RPTOR: variants seen among roughly 807,000 people sequenced by gnomAD.
The protein encoded by RPTOR is regulatory associated protein of MTOR complex 1.
In RPTOR, 21 loss-of-function variants were observed where a neutral mutation model predicts 169.9. The ratio of observed to expected loss-of-function variants is 0.12; its 90% CI spans 0.09 to 0.18. The LOEUF (loss-of-function observed/expected upper bound fraction) is 0.18, where lower values mean the gene tolerates loss of function less well. Ranked by LOEUF, RPTOR falls within the 10% of genes least tolerant of loss-of-function variation. The pLI, the probability that RPTOR is intolerant of heterozygous loss-of-function variation, is 1.00. For synonymous variants in RPTOR, 732 were observed against 753.2 expected, an observed-to-expected ratio of 0.97 and a Z score of 0.46; for missense variants, 1,133 against 1,855.9, an observed-to-expected ratio of 0.61 and a Z score of 7.16.
intron 1 of RPTOR, among the ~76,000 whole-genome samples, chr17:80,577,658 A>G (rs1390442863): frequency 2.6e-5 from 4 of 152,186 alleles, no homozygotes; most frequent in African/African-American, 9.7e-5. Flanking sequence ...TCATCAAGCA[A>G]TAGATAAAGA....
intron 9 of RPTOR, among the ~76,000 whole-genome samples, chr17:80,824,858 C>CA (rs2067421153): frequency 2.0e-5 from 3 of 152,254 alleles, no homozygotes; most frequent in Non-Finnish European, 4.4e-5. Flanking sequence ...AGTCCGTGGT[C>CA]AAAGACCAGA....
At chr17:80,923,437 C>T (rs1321602410) in intron 22 of RPTOR, 53 bp from the exon 23 acceptor site, 25 of 1,603,880 alleles carry the variant, frequency 1.6e-5, no homozygotes, top group East Asian at 2.2e-5. Context: ...TGTTCCCTCT[C>T]GAAGCCCCAG....
chr17:80,839,148 C>T (rs1161847662), intron 10 of RPTOR, among the ~76,000 whole-genome samples: 3 of 152,190 alleles, frequency 2.0e-5, no homozygotes, highest in Admixed American at 6.5e-5. Flanking sequence ...TGCGTGCGTG[C>T]GTGTGTACGC....
chr17:80,632,427 A>G (rs2065449623), intron 2 of RPTOR, among the ~76,000 whole-genome samples: 1 of 152,198 alleles, frequency 6.6e-6, no homozygotes, highest in African/African-American at 2.4e-5. Flanking sequence ...ATCAGAGCTC[A>G]CCGCCCTCTC....
intron 6 of RPTOR, among the ~76,000 whole-genome samples, chr17:80,783,094 TG>T (rs1438909341): frequency 1.3e-5 from 2 of 152,204 alleles, no homozygotes; most frequent in African/African-American, 2.4e-5. Flanking sequence ...TTTCTGCTTT[TG>T]CAAATTTGTA....
At chr17:80,809,865 C>G (rs141414284) in intron 7 of RPTOR, among the ~76,000 whole-genome samples, 1 of 151,970 alleles carries the variant, frequency 6.6e-6, no homozygotes, top group Non-Finnish European at 1.5e-5. Flanking sequence ...GGTGAAAGCC[C>G]GTCTCTAATA....
chr17:80,698,604 G>A (rs1026450411), intron 3 of RPTOR, among the ~76,000 whole-genome samples: 2 of 152,190 alleles, frequency 1.3e-5, no homozygotes, highest in East Asian at 1.9e-4. Flanking sequence ...CCTCGTCACC[G>A]TTTAACATCC....
intron 6 of RPTOR, among the ~76,000 whole-genome samples, chr17:80,760,181 G>A (rs976627291): frequency 2.0e-5 from 3 of 152,062 alleles, no homozygotes; most frequent in Non-Finnish European, 4.4e-5. Context: ...AGGGGCAGAC[G>A]CACTTGGGTT....
intron 2 of RPTOR, among the ~76,000 whole-genome samples, chr17:80,630,416 G>A (rs913639362): frequency 3.3e-5 from 5 of 152,178 alleles, no homozygotes; most frequent in Non-Finnish European, 7.3e-5. Flanking sequence ...GTCAGTCAAG[G>A]TTCTCCAGAG....
chr17:80,797,882 C>T (rs540135876), intron 7 of RPTOR, among the ~76,000 whole-genome samples: 6 of 152,308 alleles, frequency 3.9e-5, no homozygotes, highest in South Asian at 4.1e-4. Flanking sequence ...ACTCCCGTAA[C>T]GCTAGCCCAC....
chr17:80,602,748 G>C (rs2065199514), intron 1 of RPTOR: 2 of 759,830 alleles, frequency 2.6e-6, no homozygotes, highest in Admixed American at 3.5e-5. Flanking sequence ...GCACACATCT[G>C]GAGTTGCCAT....
rs373527459 is a variant in RPTOR at position 80,945,755 on chromosome 17, C to A, written c.3114C>A (p.Ile1038=). ...VVKFHPFTPC[I]AVADKDSICF... ...AATTCCACCCCTTCACGCCGTGCAT[C>A]GCCGTAGCCGACAAGGACAGCATCT... The change falls in exon 26 of 34, where the codon ATC becomes ATA. Residue 1038 remains isoleucine (I), a synonymous_variant. Coordinates refer to ENST00000306801, the MANE Select transcript of RPTOR (RefSeq NM_020761.3). 6.2e-7 allele frequency: 1 copy of A among 1,611,550 alleles called. No individual in the cohort carries two copies. Among genetic ancestry groups the A allele is most frequent in the South Asian group, 1.1e-5 (1 of 90,738 alleles).
At chr17:80,873,711 A>G (rs1343441944) in intron 13 of RPTOR, among the ~76,000 whole-genome samples, 1 of 152,234 alleles carries the variant, frequency 6.6e-6, no homozygotes, top group Non-Finnish European at 1.5e-5. Context: ...CTGAGGAGAA[A>G]GGGGAAGATG....
At chr17:80,889,234 G>C (rs2068286015) in intron 17 of RPTOR, among the ~76,000 whole-genome samples, 2 of 152,254 alleles carry the variant, frequency 1.3e-5, no homozygotes, top group Non-Finnish European at 2.9e-5. Flanking sequence ...AGCAACAGAA[G>C]AGCAGAGTTG....
At chr17:80,897,298 T>C (rs1170970229) in intron 20 of RPTOR, among the ~76,000 whole-genome samples, 1 of 151,754 alleles carries the variant, frequency 6.6e-6, no homozygotes, top group East Asian at 1.9e-4. Flanking sequence ...CTCTTGAGAG[T>C]AAACGAAACC....
chr17:80,885,678 A>T (rs930206074), intron 17 of RPTOR, among the ~76,000 whole-genome samples: 11 of 152,110 alleles, frequency 7.2e-5, no homozygotes, highest in African/African-American at 2.2e-4. Flanking sequence ...AGTAACTGGG[A>T]CTACAGGTGC....
At position 80,721,150 on chromosome 17, in the gene RPTOR, G is replaced by A. The variant is rs1000363709; in HGVS notation, c.508-9410G>A. Among the ~76,000 whole-genome samples the A allele has an allele frequency of 6.6e-6, 1 of 150,858 alleles. No individual in the cohort carries two copies. The highest frequency in any genetic ancestry group is 2.1e-4 in the South Asian group (1 of 4,824). On this transcript the variant is annotated intron_variant, in intron 4 of 33. Coordinates refer to ENST00000306801, the MANE Select transcript of RPTOR (RefSeq NM_020761.3). This position sits in a 1 kb window ranked among gnomAD's most constrained non-coding sequence, Gnocchi z 4.7. ...TAGACAAGGGGAGGCCTGGGAGTGC[G>A]AGGGGGCTCTGGTGACAGGAAGTAG...
chr17:80,634,298 T>C (rs200999659), intron 2 of RPTOR, among the ~76,000 whole-genome samples: 3,782 of 107,426 alleles, frequency 0.035, 571 homozygotes, highest in African/African-American at 0.13. Flanking sequence ...GCGTACTGTG[T>C]GTGTGCGTAC....
Position 80,651,509 on chromosome 17 carries a change from A to G in RPTOR, c.348+7699A>G, listed in dbSNP as rs1440821083. Reference sequence around the variant, plus strand: ...GCTCCCTCCCAAATGTCCGCGATTTACTTGTTGGTATGACACATAATGGAG... The same window carrying G: ...GCTCCCTCCCAAATGTCCGCGATTTGCTTGTTGGTATGACACATAATGGAG... On this transcript the variant is annotated intron_variant, in intron 3 of 33. Coordinates refer to ENST00000306801, the MANE Select transcript of RPTOR (RefSeq NM_020761.3). This position sits in a 1 kb window ranked among gnomAD's most constrained non-coding sequence, Gnocchi z 4.1. Among the ~76,000 whole-genome samples the G allele has an allele frequency of 6.6e-6, 1 of 150,902 alleles. No homozygotes were observed. Among genetic ancestry groups the G allele is most frequent in the African/African-American group, 2.5e-5 (1 of 40,552 alleles).
Sources: gnomAD v4.1 joint callset for allele counts (sites outside exome capture counted in the v4.1 genomes callset) on GRCh38, gnomAD v4.1.1 for gene constraint, Gnocchi (gnomAD v3.1) non-coding constraint, MANE v1.5 for transcripts, NCBI Gene and HGNC (gene_info 2026-07-23, HGNC 2026-07-21) for gene names.